Variants in RBM22 observed in about 807,000 individuals in gnomAD.
RBM22 encodes the protein RNA binding motif protein 22.
A neutral mutation model predicts 50.1 loss-of-function variants in RBM22; 1 was observed. The ratio of observed to expected loss-of-function variants is 0.02; its 90% CI spans 0.01 to 0.09. The LOEUF (loss-of-function observed/expected upper bound fraction) is 0.09, where lower values mean the gene tolerates loss of function less well. Among genes scored for constraint, RBM22 ranks in the 10% least tolerant of loss-of-function variants. The probability of loss-of-function intolerance (pLI) is 1.00; values close to 1 mark genes in which losing one functional copy is unlikely to be tolerated. For synonymous variants in RBM22, 152 were observed against 179.0 expected, an observed-to-expected ratio of 0.85 and a Z score of 1.20; for missense variants, 264 against 529.3, an observed-to-expected ratio of 0.50 and a Z score of 4.92.
intron 10 of RBM22, 96 bp downstream of exon 10, chr5:150,692,799 C>T (rs900598454): frequency 1.0e-5 from 14 of 1,340,844 alleles, no homozygotes; most frequent in Middle Eastern, 3.8e-4. Context: ...ACAGAGCAAA[C>T]TCACAGGATT....
chr5:150,697,799 A>G, intron 4 of RBM22: 2 of 225,214 alleles, frequency 8.9e-6, no homozygotes, highest in South Asian at 9.2e-5. Flanking sequence ...ACCTATGGTT[A>G]AAAAAAAAAT....
chr5:150,694,142 A>C lies in RBM22; in HGVS notation c.845T>G (p.Val282Gly), dbSNP rs1209533522. The C allele has an allele frequency of 1.2e-6, 2 of 1,614,120 alleles. No homozygotes were observed. Among genetic ancestry groups the C allele is most frequent in the South Asian group, 1.1e-5 (1 of 91,096 alleles). ...CTTATTAAAGGACTTCTCAGCAGCC[A>C]CTTCTGCAGCCTGCCGTGTGGCAAA... ...IQFATRQAAEVAAEKSFNKLI... is the reference protein window; with the variant it reads ...IQFATRQAAEGAAEKSFNKLI... Residue 282 changes from valine (V) to glycine (G), a missense_variant, in exon 8 of 11, where the codon GTG becomes GGG. By Grantham distance (109) the Val-to-Gly change is moderately radical. Coordinates refer to ENST00000199814, the MANE Select transcript of RBM22 (RefSeq NM_018047.3).
chr5:150,693,378 C>G, intron 8 of RBM22, 71 bp from the exon 9 acceptor site: 1 of 1,235,998 alleles, frequency 8.1e-7, no homozygotes, highest in Non-Finnish European at 1.2e-6. Flanking sequence ...CTTACATTCC[C>G]CAGTCCAATG....
At position 150,693,336 on chromosome 5, in the gene RBM22, A is replaced by G. The variant is rs376306199; in HGVS notation, c.912-29T>C. ...GGAAACACACATGCATACAGTCGGC[A>G]CTCTGGCCCACCTTATCTCACACCT... is the stretch of plus-strand genomic sequence containing the variant. On this transcript the variant is annotated intron_variant, in intron 8 of 10. Coordinates refer to ENST00000199814, the MANE Select transcript of RBM22 (RefSeq NM_018047.3). The G allele has an allele frequency of 5.2e-6, 8 of 1,550,570 alleles. No homozygotes were observed. In the African/African-American group the frequency reaches 1.1e-4, roughly 21 times the overall value.
rs1759343311 is a variant in RBM22 at position 150,701,011 on chromosome 5, A to T, written c.-26T>A. On this transcript the variant is annotated 5_prime_UTR_variant, in exon 1 of 11. Transcript: ENST00000199814. ...CTTGAGAGCGTCCGGAGGTAGCTGT[A>T]GCTTCCGAATTGGGAGAGAGGACCG... 6.2e-7 allele frequency: 1 copy of T among 1,614,026 alleles called. No individual in the cohort carries two copies.
intron 1 of RBM22, 158 bp from the exon 2 acceptor site, chr5:150,700,655 C>G: frequency 6.5e-7 from 1 of 1,529,928 alleles, no homozygotes; most frequent in South Asian, 1.2e-5. Flanking sequence ...GGGGCGCTGT[C>G]TGCACTTCCG....
chr5:150,694,465 T>A, intron 7 of RBM22: 1 of 635,510 alleles, frequency 1.6e-6, no homozygotes, highest in Non-Finnish European at 2.4e-6. Flanking sequence ...CTCAAACATC[T>A]CAGGGTTTTT....
chr5:150,693,900 G>A (rs1018231820), intron 8 of RBM22, among the ~76,000 whole-genome samples, 176 bp downstream of exon 8: 2 of 152,136 alleles, frequency 1.3e-5, no homozygotes, highest in African/African-American at 4.8e-5. Context: ...TTCCAAAGCA[G>A]GGTTCTCCCA....
intron 4 of RBM22, 99 bp downstream of exon 4, chr5:150,698,400 A>G: frequency 1.4e-6 from 2 of 1,439,470 alleles, no homozygotes; most frequent in South Asian, 1.3e-5. Context: ...CCAAAGTGAA[A>G]TCAGAACCAG....
At chr5:150,694,592 C>T (rs933939401) in intron 7 of RBM22, 5 of 182,782 alleles carry the variant, frequency 2.7e-5, no homozygotes, top group African/African-American at 7.1e-5. Flanking sequence ...AACAAGAATA[C>T]GTGACAGAGA....
chr5:150,699,095 CA>C lies in RBM22; in HGVS notation c.138+146del, dbSNP rs1220278529. On this transcript the variant is annotated intron_variant, in intron 3 of 10. Transcript: ENST00000199814. The stretch of plus-strand genomic sequence containing the variant: ...TCTTACCTCCCACATAAACAGTTGC[CA>C]GCCAATGAATATATCAGTAATACAT... The C allele has an allele frequency of 1.5e-5, 17 of 1,157,456 alleles. No homozygotes were observed. In the African/African-American group the frequency reaches 2.5e-4, roughly 17 times the overall value. The allele number at this position is 1,157,456 out of a possible 1,614,324, so 71.7% of individuals were successfully genotyped here.
At chr5:150,700,064 G>A (rs112409376) in intron 2 of RBM22, among the ~76,000 whole-genome samples, 6 of 152,272 alleles carry the variant, frequency 3.9e-5, no homozygotes, top group African/African-American at 1.4e-4. Context: ...ATTTGACCAG[G>A]ATTCAGGAAA....
chr5:150,699,040 G>GT (rs779817417), intron 3 of RBM22, among the ~76,000 whole-genome samples: 4 of 152,044 alleles, frequency 2.6e-5, no homozygotes, highest in Non-Finnish European at 4.4e-5. Flanking sequence ...CACTGACACC[G>GT]TAAGAATCTC....
At chr5:150,698,711 CA>C in intron 3 of RBM22, 80 bp from the exon 4 acceptor site, 9 of 1,506,866 alleles carry the variant, frequency 6.0e-6, no homozygotes, top group Admixed American at 2.1e-5. Context: ...ACGGGGCATT[CA>C]AAAAAGGATC....
Position 150,693,318 on chromosome 5 carries a change from C to T in RBM22, c.912-11G>A. ...CTGGCTGCCTGGGATCTGGGAAACA[C>T]ACATGCATACAGTCGGCACTCTGGC... is the stretch of plus-strand genomic sequence containing the variant. On this transcript the variant is annotated splice_polypyrimidine_tract_variant and intron_variant, in intron 8 of 10. Coordinates refer to ENST00000199814, the MANE Select transcript of RBM22 (RefSeq NM_018047.3). 1 of 1,604,498 alleles carries T rather than the reference C, an allele frequency of 6.2e-7. No homozygotes were observed. The highest frequency in any genetic ancestry group is 8.5e-7 in the Non-Finnish European group (1 of 1,173,112).
intron 8 of RBM22, 97 bp from the exon 9 acceptor site, chr5:150,693,404 A>T: frequency 1.1e-6 from 1 of 913,058 alleles, no homozygotes. Context: ...CCTTCGCTCT[A>T]CCTCCTCCTC....
At chr5:150,694,350 A>G in intron 7 of RBM22, 110 bp from the exon 8 acceptor site, 5 of 1,437,770 alleles carry the variant, frequency 3.5e-6, no homozygotes, top group Non-Finnish European at 3.7e-6. Context: ...GGTGGGCCCC[A>G]AGGTTATCTG....
Position 150,691,803 on chromosome 5 carries a change from G to C in RBM22, c.1211C>G (p.Ser404Cys). The stretch of plus-strand genomic sequence containing the variant: ...AGCTCCCATCCTCTGAGGGTCCTGA[G>C]AAGGATAGTGGATTGGTCCTGGAGC... Reference protein sequence around the residue: ...MRAPGPIHYPSQDPQRMGAHA... With the variant: ...MRAPGPIHYPCQDPQRMGAHA... The change falls in exon 11 of 11, where the codon TCT (serine) becomes TGT (cysteine). Residue 404 changes from serine (S) to cysteine (C), a missense_variant. This residue lies in a region of RBM22 where 106 missense variants were observed against 137.1 expected (regional missense o/e 0.77). Coordinates refer to ENST00000199814, the MANE Select transcript of RBM22 (RefSeq NM_018047.3). The C allele has an allele frequency of 6.3e-7, 1 of 1,599,980 alleles. No homozygotes were observed. The highest frequency in any genetic ancestry group is 8.5e-7 in the Non-Finnish European group (1 of 1,173,310).
At chr5:150,693,446 T>G in intron 8 of RBM22, 139 bp from the exon 9 acceptor site, 1 of 675,194 alleles carries the variant, frequency 1.5e-6, no homozygotes, top group Non-Finnish European at 2.5e-6. Flanking sequence ...AATGCCACTG[T>G]GCACAGTGAA....
Sources: allele counts gnomAD v4.1 joint callset (sites outside exome capture counted in the v4.1 genomes callset), GRCh38; gene constraint gnomAD v4.1.1; regional missense constraint gnomAD v4.1.1; transcripts MANE v1.5; gene names NCBI Gene and HGNC (gene_info 2026-07-23, HGNC 2026-07-21).